Variants in KDM4B observed in about 807,000 individuals in gnomAD.
KDM4B encodes the protein lysine demethylase 4B.
Under a neutral mutation model 125.2 loss-of-function variants are expected in KDM4B, and 32 were observed. The ratio of observed to expected loss-of-function variants is 0.26; its 90% confidence interval spans 0.19 to 0.34. The LOEUF (loss-of-function observed/expected upper bound fraction) is 0.34, where lower values mean the gene tolerates loss of function less well. Among genes scored for constraint, KDM4B ranks in the 10% least tolerant of loss-of-function variants. The pLI is 1.00. For missense variants in KDM4B, 1,190 were observed against 1,577.7 expected, an observed-to-expected ratio of 0.75 and a Z score of 4.16; for synonymous variants, 721 against 677.9, an observed-to-expected ratio of 1.06 and a Z score of -0.99.
At position 5,131,533 on chromosome 19, in the gene KDM4B, C is replaced by A. The variant is rs753149782; in HGVS notation, c.1773C>A (p.Ala591=). 9.6e-7 allele frequency: 1 copy of A among 1,044,218 alleles called. No homozygotes were observed. The highest frequency in any genetic ancestry group is 1.2e-6 in the Non-Finnish European group (1 of 855,730). The allele number at this position is 1,044,218 out of a possible 1,614,324, so 64.7% of individuals were successfully genotyped here. ...GAGRMETKAR[A]GEGQAPSTFS... is the part of the protein sequence containing the mutation. ...GTCGCATGGAGACCAAAGCCCGGGC[C>A]GGAGAGGGGCAGGTGGGGTGGAGCG... The change falls in exon 12 of 23, where the codon GCC becomes GCA. Residue 591 remains alanine, a synonymous_variant. Coordinates refer to ENST00000159111, the MANE Select transcript of KDM4B (RefSeq NM_015015.3).
intron 1 of KDM4B, among the ~76,000 whole-genome samples, chr19:5,004,541 T>C (rs930324007): frequency 2.0e-5 from 3 of 152,156 alleles, no homozygotes; most frequent in Non-Finnish European, 4.4e-5. Flanking sequence ...CTGGGGACGC[T>C]CGGCAGTGTC....
intron 11 of KDM4B, among the ~76,000 whole-genome samples, chr19:5,121,102 C>T (rs575239857): frequency 7.9e-5 from 12 of 152,290 alleles, no homozygotes; most frequent in South Asian, 6.2e-4. Flanking sequence ...TGATCTGTGA[C>T]GATGGGGTCG....
chr19:4,977,704 C>T (rs975710266), intron 1 of KDM4B, among the ~76,000 whole-genome samples: 4 of 152,184 alleles, frequency 2.6e-5, no homozygotes, highest in African/African-American at 9.7e-5. Flanking sequence ...TGAAACTACC[C>T]ACGGGTGCTG....
At position 5,142,713 on chromosome 19, in the gene KDM4B, G is replaced by T. The variant is rs1465023123; in HGVS notation, c.2551-1254G>T. Among the ~76,000 whole-genome samples, 3 of 152,104 alleles carry T rather than the reference G, an allele frequency of 2.0e-5. No homozygotes were observed. Among genetic ancestry groups the T allele is most frequent in the Non-Finnish European group, 2.9e-5 (2 of 68,010 alleles). On this transcript the variant is annotated intron_variant, in intron 18 of 22. Transcript: ENST00000159111. The surrounding 1 kb of genome is among the most constrained non-coding windows in gnomAD (Gnocchi z 5.4). The stretch of plus-strand genomic sequence containing the variant: ...CTACACACTGGCTACTCTGCCGGAG[G>T]GGGAGGCCGTGCTGGAGTGATGCCT...
At chr19:5,072,030 C>G (rs1211518860) in intron 7 of KDM4B, among the ~76,000 whole-genome samples, 1 of 152,176 alleles carries the variant, frequency 6.6e-6, no homozygotes, top group African/African-American at 2.4e-5. Flanking sequence ...AGCACCCCGC[C>G]CTTCAAGGAC....
rs79000743 is a variant in KDM4B, at chr19:5,004,607, A to C, written c.-108-11650A>C. On this transcript the variant is annotated intron_variant, in intron 1 of 22. Transcript: ENST00000159111. ...GCATGTGTGCTGCCGTGCACGTTTC[A>C]GCTCCCCAGTTTCATGTAGTTGAGA... Among the ~76,000 whole-genome samples the C allele has an allele frequency of 7.7e-4, 117 of 152,260 alleles. No homozygotes were observed. The East Asian group carries it at 0.014, about 18-fold the overall frequency.
At position 5,131,146 on chromosome 19, in the gene KDM4B, G is replaced by A; in HGVS notation, c.1386G>A (p.Leu462=). The part of the protein sequence containing the change: ...SERKKKSFGL[L]PPQLPPPPAH... ...GGAAGAAGAAGAGCTTCGGCCTGCT[G>A]CCCCCACAGCTGCCGCCCCCGCCTG... The change falls in exon 12 of 23, where the codon CTG becomes CTA. Residue 462 remains leucine (L), a synonymous_variant. Transcript: ENST00000159111. 6.5e-7 allele frequency: 1 copy of A among 1,548,140 alleles called. No individual in the cohort carries two copies. Among genetic ancestry groups the A allele is most frequent in the Non-Finnish European group, 8.7e-7 (1 of 1,147,516 alleles).
At chr19:5,126,291 G>C (rs1166517231) in intron 11 of KDM4B, among the ~76,000 whole-genome samples, 1 of 152,160 alleles carries the variant, frequency 6.6e-6, no homozygotes, top group African/African-American at 2.4e-5. Flanking sequence ...GGTCTGGGAA[G>C]AGCGGCCGCC....
At chr19:5,033,356 TCTCA>T (rs1426706406) in intron 3 of KDM4B, among the ~76,000 whole-genome samples, 1 of 152,018 alleles carries the variant, frequency 6.6e-6, no homozygotes, top group Non-Finnish European at 1.5e-5. Flanking sequence ...TGAGCTGACG[TCTCA>T]CTGAGGGACG....
intron 1 of KDM4B, among the ~76,000 whole-genome samples, chr19:5,006,440 G>T (rs978354823): frequency 6.6e-6 from 1 of 152,134 alleles, no homozygotes; most frequent in Non-Finnish European, 1.5e-5. Flanking sequence ...CCTGGCTGGG[G>T]TTTTATCTCC....
At chr19:5,023,295 C>T (rs1229596519) in intron 2 of KDM4B, among the ~76,000 whole-genome samples, 1 of 152,208 alleles carries the variant, frequency 6.6e-6, no homozygotes, top group African/African-American at 2.4e-5. Context: ...TGCCTGAGGG[C>T]CCTTTATGTA....
Position 5,077,496 on chromosome 19 carries a change from C to A in KDM4B, c.780+26C>A, listed in dbSNP as rs369293957. 4.4e-6 allele frequency: 7 copies of A among 1,587,270 alleles called. No homozygotes were observed. In the African/African-American group the frequency reaches 8.1e-5, roughly 18 times the overall value. ...GTGCGTACGGGTGGGGCCTGCACGC[C>A]TGTGGGTGAAGTGGGTACCGGGTCC... On this transcript the variant is annotated intron_variant, in intron 8 of 22. Transcript: ENST00000159111.
rs2145866112 is a variant in KDM4B at position 5,081,148 on chromosome 19, T to C, written c.781-1219T>C. Reference sequence around the variant, plus strand: ...CGAGCAGCCTGTGATCCCTGCGTTTTACTGGATGTTAAATAAAGATGAGGA... The same window carrying C: ...CGAGCAGCCTGTGATCCCTGCGTTTCACTGGATGTTAAATAAAGATGAGGA... On this transcript the variant is annotated intron_variant, in intron 8 of 22. Coordinates refer to ENST00000159111, the MANE Select transcript of KDM4B (RefSeq NM_015015.3). This position sits in a 1 kb window ranked among gnomAD's most constrained non-coding sequence, Gnocchi z 4.2. 6.6e-6 allele frequency among the ~76,000 whole-genome samples: 1 copy of C among 152,308 alleles called. No individual in the cohort carries two copies. The highest frequency in any genetic ancestry group is 6.5e-5 in the Admixed American group (1 of 15,296).
chr19:5,138,641 G>A (rs1296194853), intron 18 of KDM4B, among the ~76,000 whole-genome samples: 2 of 152,058 alleles, frequency 1.3e-5, no homozygotes, highest in African/African-American at 4.8e-5. Flanking sequence ...AGACAACAGA[G>A]CCAGGCACTG....
intron 13 of KDM4B, among the ~76,000 whole-genome samples, chr19:5,133,309 G>A (rs1028269318): frequency 6.6e-6 from 1 of 152,208 alleles, no homozygotes; most frequent in Non-Finnish European, 1.5e-5. Context: ...TTCCTGGGGC[G>A]GGCTGCCTTG....
intron 14 of KDM4B, among the ~76,000 whole-genome samples, chr19:5,134,355 C>T (rs998029305): frequency 1.3e-5 from 2 of 152,134 alleles, no homozygotes; most frequent in African/African-American, 2.4e-5. Flanking sequence ...GTCTGGTGGG[C>T]GCTGAGATGG....
chr19:5,131,763 T>C lies in KDM4B; in HGVS notation c.1786-124T>C, dbSNP rs965044366. 2.4e-6 allele frequency: 3 copies of C among 1,235,022 alleles called. No individual in the cohort carries two copies. In the South Asian group the frequency reaches 3.9e-5, roughly 16 times the overall value. 76.5% of individuals were successfully genotyped at this position (1,235,022 alleles called of 1,614,324 possible). Reference sequence around the variant, plus strand: ...ACAGAGGAGCCCTGTGGTTCTTTGCTGGGACAGTCACCCCAGGAGAGGAGA... The same window carrying C: ...ACAGAGGAGCCCTGTGGTTCTTTGCCGGGACAGTCACCCCAGGAGAGGAGA... On this transcript the variant is annotated intron_variant, in intron 12 of 22. Transcript: ENST00000159111.
At chr19:5,148,257 T>C (rs141192825) in intron 21 of KDM4B, among the ~76,000 whole-genome samples, 2 of 152,208 alleles carry the variant, frequency 1.3e-5, no homozygotes, top group Non-Finnish European at 2.9e-5. Context: ...TGGAGACTCA[T>C]AGTGAAAGCA....
At chr19:5,147,835 G>GCAAGCCAC (rs986621556) in intron 21 of KDM4B, among the ~76,000 whole-genome samples, 10 of 152,004 alleles carry the variant, frequency 6.6e-5, no homozygotes, top group Admixed American at 1.3e-4. Context: ...TCGGAAGCCA[G>GCAAGCCAC]CAAGCCACCG....
Sources: allele counts gnomAD v4.1 joint callset (sites outside exome capture counted in the v4.1 genomes callset), GRCh38; gene constraint gnomAD v4.1.1; non-coding constraint Gnocchi (gnomAD v3.1); transcripts MANE v1.5; gene names NCBI Gene and HGNC (gene_info 2026-07-23, HGNC 2026-07-21).